KCNN4: variants seen among roughly 807,000 people sequenced by gnomAD.
KCNN4 encodes potassium calcium-activated channel subfamily N member 4.
A neutral mutation model predicts 45.2 loss-of-function variants in KCNN4; 31 were observed. The ratio of observed to expected loss-of-function variants is 0.69; its 90% CI spans 0.52 to 0.92. The LOEUF (loss-of-function observed/expected upper bound fraction) is 0.92, where lower values mean the gene tolerates loss of function less well. Among genes scored for constraint, KCNN4 ranks in the 40% least tolerant of loss-of-function variants. The probability of loss-of-function intolerance (pLI) is 0.00; values close to 1 mark genes in which losing one functional copy is unlikely to be tolerated. For synonymous variants in KCNN4, 231 were observed against 254.6 expected, an observed-to-expected ratio of 0.91 and a Z score of 0.88; for missense variants, 463 against 574.0, an observed-to-expected ratio of 0.81 and a Z score of 1.98.
In KCNN4 at chr19:43,769,182, C is replaced by T; in HGVS notation, c.1050-150G>A. ...AGCTGAAAGAGTGGGAGGGGATGCA[C>T]CCTGCCTCCCCACGAGCCCCCATCC... On this transcript the variant is annotated intron_variant, in intron 6 of 8. Transcript: ENST00000648319. This position sits in a 1 kb window ranked among gnomAD's most constrained non-coding sequence, Gnocchi z 4.4. The T allele has an allele frequency of 2.4e-6, 2 of 845,542 alleles. No individual in the cohort carries two copies. Among genetic ancestry groups the T allele is most frequent in the Non-Finnish European group, 3.8e-6 (2 of 520,462 alleles). The allele number at this position is 845,542 out of a possible 1,614,324, so 52.4% of individuals were successfully genotyped here.
In KCNN4 at chr19:43,780,897, C is replaced by T; in HGVS notation, c.-36G>A. 1.2e-6 allele frequency: 2 copies of T among 1,606,856 alleles called. No homozygotes were observed. Among genetic ancestry groups the T allele is most frequent in the Non-Finnish European group, 1.7e-6 (2 of 1,176,120 alleles). On this transcript the variant is annotated 5_prime_UTR_variant, in exon 1 of 9. Coordinates refer to ENST00000648319, the MANE Select transcript of KCNN4 (RefSeq NM_002250.3). ...GTCTTGGGGCTCAGCCAGCTTCCTG[C>T]CCAGGGTCCCCCACCTCGCAGCACG... is the stretch of plus-strand genomic sequence containing the variant.
intron 4 of KCNN4, 114 bp downstream of exon 4, chr19:43,771,886 T>G (rs900363320): frequency 2.9e-5 from 38 of 1,314,794 alleles, no homozygotes; most frequent in Non-Finnish European, 3.5e-5. Context: ...ACACTCAAGT[T>G]TCTCAGGAGC....
At chr19:43,777,341 T>G (rs1969843733) in intron 1 of KCNN4, among the ~76,000 whole-genome samples, 2 of 110,344 alleles carry the variant, frequency 1.8e-5, no homozygotes, top group African/African-American at 3.3e-5. Flanking sequence ...GTGTGTGTGG[T>G]GTCTAGAAAA....
At chr19:43,778,540 TC>T (rs558844027) in intron 1 of KCNN4, among the ~76,000 whole-genome samples, 1 of 152,028 alleles carries the variant, frequency 6.6e-6, no homozygotes, top group Admixed American at 6.5e-5. Context: ...CGCCCGGCCC[TC>T]TATTGTCTTT....
At position 43,774,350 on chromosome 19, in the gene KCNN4, G is replaced by A. The variant is rs369465622; in HGVS notation, c.525C>T (p.Leu175=). The change falls in exon 3 of 9, where the codon CTC becomes CTT. Residue 175 remains leucine (L), a synonymous_variant. Transcript: ENST00000648319. This position sits in a 1 kb window ranked among gnomAD's most constrained non-coding sequence, Gnocchi z 5.6. ...CGCCGATGCTGCGGTAGGAAGCGTT[G>A]AGCAGGACGCCGCTGCGCAGGAGCA... ...RAVLLRSGVL[L]NASYRSIGAL... 6 of 1,609,744 alleles carry A rather than the reference G, an allele frequency of 3.7e-6. No individual in the cohort carries two copies. In the African/African-American group the frequency reaches 6.7e-5, roughly 18 times the overall value.
chr19:43,780,946 C>G lies in KCNN4; in HGVS notation c.-85G>C. On this transcript the variant is annotated 5_prime_UTR_variant, in exon 1 of 9. Coordinates refer to ENST00000648319, the MANE Select transcript of KCNN4 (RefSeq NM_002250.3). ...CGCACAGGGCAGCCACTGTGGCTTG[C>G]AGGTCGTCAGCCTGCTCTGCTGGCT... The G allele has an allele frequency of 7.2e-7, 1 of 1,386,960 alleles. No individual in the cohort carries two copies. Among genetic ancestry groups the G allele is most frequent in the Non-Finnish European group, 1.0e-6 (1 of 994,442 alleles). 85.9% of individuals were successfully genotyped at this position (1,386,960 alleles called of 1,614,324 possible). A position where few individuals can be genotyped will look rare whatever the true frequency, so the allele number is the denominator to read the frequency against.
In KCNN4 at chr19:43,766,667, A is replaced by G. The variant is rs12427; in HGVS notation, c.*426T>C. 0.072 allele frequency: 11,040 copies of G among 152,422 alleles called. 844 individuals carry two copies. Among genetic ancestry groups the G allele is most frequent in the African/African-American group, 0.19 (7,937 of 41,420 alleles). 9.4% of individuals were successfully genotyped at this position (152,422 alleles called of 1,614,324 possible). A position where few individuals can be genotyped will look rare whatever the true frequency, so the allele number is the denominator to read the frequency against. ...TGTCCCACCAGGGGGCGCCACCTCCAGCCCCGCCCCAGCCTCATACCCAGT... is the reference window on the plus strand; with the variant it reads ...TGTCCCACCAGGGGGCGCCACCTCCGGCCCCGCCCCAGCCTCATACCCAGT... On this transcript the variant is annotated 3_prime_UTR_variant, in exon 9 of 9. Transcript: ENST00000648319.
chr19:43,772,124 T>C lies in KCNN4; in HGVS notation c.695A>G (p.Asn232Ser). 1 of 1,613,550 alleles carries C rather than the reference T, an allele frequency of 6.2e-7. No homozygotes were observed. Among genetic ancestry groups the C allele is most frequent in the Non-Finnish European group, 8.5e-7 (1 of 1,179,828 alleles). The stretch of plus-strand genomic sequence containing the variant: ...TGTGTCTGAAAGGTGCCCAGTGGCA[T>C]TAACAGCCTGCCTATGGGGAAGGGT... ...VLSVAERQAV[N>S]ATGHLSDTLW... is the part of the protein sequence containing the mutation. Residue 232 changes from asparagine (N) to serine (S), a missense_variant, in exon 4 of 9, where the codon AAT becomes AGT. Coordinates refer to ENST00000648319, the MANE Select transcript of KCNN4 (RefSeq NM_002250.3). This position sits in a 1 kb window ranked among gnomAD's most constrained non-coding sequence, Gnocchi z 4.4.
At chr19:43,773,462 T>C (rs914504369) in intron 3 of KCNN4, among the ~76,000 whole-genome samples, 4 of 152,152 alleles carry the variant, frequency 2.6e-5, no homozygotes, top group Non-Finnish European at 4.4e-5. Flanking sequence ...TCAACCTTGG[T>C]TGGGCCATAG....
In KCNN4 at chr19:43,776,147, A is replaced by T. The variant is rs1302371023; in HGVS notation, c.255+394T>A. On this transcript the variant is annotated intron_variant, in intron 2 of 8. Transcript: ENST00000648319. ...TGTCTCAAAAAAAAAAAAAAAAAAAAAAAAAAAAAGGAGTGGGCAGCCCTA... is the reference window on the plus strand; with the variant it reads ...TGTCTCAAAAAAAAAAAAAAAAAAATAAAAAAAAAGGAGTGGGCAGCCCTA... 5.2e-3 allele frequency among the ~76,000 whole-genome samples: 777 copies of T among 150,308 alleles called. 12 individuals carry two copies. The highest frequency in any genetic ancestry group is 0.018 in the African/African-American group (748 of 40,988).
In KCNN4 at chr19:43,777,067, G is replaced by A. The variant is rs115825886; in HGVS notation, c.160-431C>T. Among the ~76,000 whole-genome samples the A allele has an allele frequency of 9.9e-3, 1,512 of 152,184 alleles. 34 individuals carry two copies. The highest frequency in any genetic ancestry group is 0.033 in the African/African-American group (1,384 of 41,490). ...CCACTGCACTCCAGCCTGGGCAACAGAGCGAGTCTCCGTCTCGAAACAAGC... is the reference window on the plus strand; with the variant it reads ...CCACTGCACTCCAGCCTGGGCAACAAAGCGAGTCTCCGTCTCGAAACAAGC... On this transcript the variant is annotated intron_variant, in intron 1 of 8. Coordinates refer to ENST00000648319, the MANE Select transcript of KCNN4 (RefSeq NM_002250.3).
chr19:43,776,321 G>C (rs1248972960), intron 2 of KCNN4, among the ~76,000 whole-genome samples: 1 of 151,718 alleles, frequency 6.6e-6, no homozygotes, highest in African/African-American at 2.4e-5. Flanking sequence ...AGTGTGCAAG[G>C]GGGGGCTGGG....
rs775731743 is a variant in KCNN4 at position 43,769,378 on chromosome 19, C to T, written c.1049+64G>A. On this transcript the variant is annotated intron_variant, in intron 6 of 8. Coordinates refer to ENST00000648319, the MANE Select transcript of KCNN4 (RefSeq NM_002250.3). The surrounding 1 kb of genome is among the most constrained non-coding windows in gnomAD (Gnocchi z 4.4). ...AGGCATGGACATGCACACACACAGC[C>T]GTGCAGAGAGGTGACTTGGACATGG... 1.5e-4 allele frequency: 195 copies of T among 1,294,176 alleles called. No homozygotes were observed. Among genetic ancestry groups the T allele is most frequent in the East Asian group, 4.6e-5 (2 of 43,286 alleles). 80.2% of individuals were successfully genotyped at this position (1,294,176 alleles called of 1,614,324 possible). A position where few individuals can be genotyped will look rare whatever the true frequency, so the allele number is the denominator to read the frequency against.
At chr19:43,768,922 C>T in intron 7 of KCNN4, 41 bp downstream of exon 7, 1 of 1,606,230 alleles carries the variant, frequency 6.2e-7, no homozygotes, top group South Asian at 1.1e-5. Flanking sequence ...TGGCCCCAAC[C>T]TCCCCCTTCT....
At chr19:43,767,352 G>A (rs1969508772) in intron 8 of KCNN4, 188 bp downstream of exon 8, 1 of 663,784 alleles carries the variant, frequency 1.5e-6, no homozygotes, top group Non-Finnish European at 2.5e-6. Flanking sequence ...GAAGGGGAGA[G>A]GGTACACCAT....
chr19:43,769,655 G>C lies in KCNN4; in HGVS notation c.930+64C>G. The C allele has an allele frequency of 6.4e-7, 1 of 1,560,984 alleles. No individual in the cohort carries two copies. The highest frequency in any genetic ancestry group is 1.1e-5 in the South Asian group (1 of 89,768). On this transcript the variant is annotated intron_variant, in intron 5 of 8. Coordinates refer to ENST00000648319, the MANE Select transcript of KCNN4 (RefSeq NM_002250.3). This position sits in a 1 kb window ranked among gnomAD's most constrained non-coding sequence, Gnocchi z 4.4. ...GGACTCTTGGGTCCTAGGGGAAGCA[G>C]GGGCGCCTGGACTCCTGCTTCTTGG...
intron 7 of KCNN4, 99 bp from the exon 8 acceptor site, chr19:43,767,806 G>A: frequency 7.2e-7 from 1 of 1,386,514 alleles, no homozygotes; most frequent in Non-Finnish European, 1.0e-6. Flanking sequence ...ACATCCTTAT[G>A]GTCCTCTGAG....
Position 43,768,949 on chromosome 19 carries a change from C to T in KCNN4, c.1119+14G>A, listed in dbSNP as rs199947781. ...CCCCCTTCTTCAAGACCTCCTCCCA[C>T]GGGATCCTAGTACCTTGGAGATGTC... On this transcript the variant is annotated intron_variant, in intron 7 of 8. Transcript: ENST00000648319. 21 of 1,613,848 alleles carry T rather than the reference C, an allele frequency of 1.3e-5. No individual in the cohort carries two copies. Among genetic ancestry groups the T allele is most frequent in the Admixed American group, 8.3e-5 (5 of 60,004 alleles).
chr19:43,777,736 GGA>G (rs1306961774), intron 1 of KCNN4, among the ~76,000 whole-genome samples: 1 of 151,962 alleles, frequency 6.6e-6, no homozygotes. Flanking sequence ...CTGGAGAGAG[GGA>G]TTTAGAGGGG....
Sources: allele counts gnomAD v4.1 joint callset (sites outside exome capture counted in the v4.1 genomes callset), GRCh38; gene constraint gnomAD v4.1.1; non-coding constraint Gnocchi (gnomAD v3.1); transcripts MANE v1.5; gene names NCBI Gene and HGNC (gene_info 2026-07-23, HGNC 2026-07-21).